CNTNAP2: variants seen among roughly 807,000 people sequenced by gnomAD.
The protein encoded by CNTNAP2 is contactin associated protein 2, also known as contactin-associated protein-like 2.
Under a neutral mutation model 155.2 loss-of-function variants are expected in CNTNAP2, and 98 were observed. That is an observed-to-expected ratio of 0.63 (90% CI 0.54 to 0.75). The LOEUF is 0.75. Among genes scored for constraint, CNTNAP2 ranks in the 30% least tolerant of loss-of-function variants. The probability of loss-of-function intolerance (pLI) is 0.00; values close to 1 mark genes in which losing one functional copy is unlikely to be tolerated. For synonymous variants in CNTNAP2, 651 were observed against 631.2 expected (o/e 1.03, Z -0.47); for missense variants, 1,727 against 1,688.1 (o/e 1.02, Z -0.40).
intron 11 of CNTNAP2, among the ~76,000 whole-genome samples, chr7:147,539,421 C>T (rs1296726534): frequency 6.6e-6 from 1 of 152,124 alleles, no homozygotes; most frequent in Non-Finnish European, 1.5e-5. Context: ...GAAGAGTCAT[C>T]CAGAGCCAAA....
chr7:147,626,340 T>TG (rs113070214), intron 12 of CNTNAP2, among the ~76,000 whole-genome samples: 4,643 of 151,676 alleles, frequency 0.031, 239 homozygotes, highest in African/African-American at 0.11. Flanking sequence ...GCCAATTGCA[T>TG]GGGGGGGTGG....
At chr7:147,338,353 GT>G (rs1485384972) in intron 9 of CNTNAP2, among the ~76,000 whole-genome samples, 2 of 55,788 alleles carry the variant, frequency 3.6e-5, no homozygotes, top group Non-Finnish European at 3.1e-5. Context: ...TTTTCCTCAT[GT>G]AAAAAATTCA....
chr7:147,573,325 T>G (rs1800329773), intron 12 of CNTNAP2, among the ~76,000 whole-genome samples: 1 of 152,210 alleles, frequency 6.6e-6, no homozygotes, highest in South Asian at 2.1e-4. Flanking sequence ...TGTTCGGTTT[T>G]TACTCAGATT....
chr7:146,167,130 C>T (rs1259332858), intron 1 of CNTNAP2, among the ~76,000 whole-genome samples: 1 of 152,190 alleles, frequency 6.6e-6, no homozygotes, highest in Non-Finnish European at 1.5e-5. Flanking sequence ...AGTCTTACTA[C>T]CAACCAACAA....
At chr7:148,338,275 T>A (rs1284152714) in intron 21 of CNTNAP2, among the ~76,000 whole-genome samples, 2 of 152,232 alleles carry the variant, frequency 1.3e-5, no homozygotes, top group Non-Finnish European at 2.9e-5. Flanking sequence ...TTTTTTGGTT[T>A]CTGACACCTA....
At chr7:147,116,603 T>C (rs953575906) in intron 5 of CNTNAP2, among the ~76,000 whole-genome samples, 2 of 152,078 alleles carry the variant, frequency 1.3e-5, no homozygotes, top group African/African-American at 4.8e-5. Flanking sequence ...AAAACAGCTA[T>C]GTTGTGGTGA....
At chr7:147,064,088 G>T (rs1230225704) in intron 4 of CNTNAP2, among the ~76,000 whole-genome samples, 1 of 151,784 alleles carries the variant, frequency 6.6e-6, no homozygotes, top group East Asian at 1.9e-4. Context: ...TCCTCTAGTG[G>T]TTTTTAAGTA....
At chr7:146,599,892 T>C (rs748552813) in intron 1 of CNTNAP2, among the ~76,000 whole-genome samples, 38 of 152,146 alleles carry the variant, frequency 2.5e-4, no homozygotes, top group Non-Finnish European at 4.4e-4. Flanking sequence ...CTCTATGCTT[T>C]TGATGGCATT....
chr7:146,204,540 T>C (rs951763895), intron 1 of CNTNAP2, among the ~76,000 whole-genome samples: 1 of 152,060 alleles, frequency 6.6e-6, no homozygotes, highest in African/African-American at 2.4e-5. Context: ...GTTATGAAAA[T>C]TGCCCAAATT....
intron 1 of CNTNAP2, among the ~76,000 whole-genome samples, chr7:146,371,375 T>G (rs983975757): frequency 2.9e-5 from 4 of 138,022 alleles, no homozygotes; most frequent in Admixed American, 7.2e-5. Context: ...GTTTTTTTTT[T>G]TTTTTTTTTT....
chr7:147,907,943 T>A (rs1447134640), intron 14 of CNTNAP2, among the ~76,000 whole-genome samples: 1 of 151,432 alleles, frequency 6.6e-6, no homozygotes, highest in East Asian at 1.9e-4. Context: ...CTAATTTTTT[T>A]TTTTTTGTAT....
intron 1 of CNTNAP2, among the ~76,000 whole-genome samples, chr7:146,644,023 C>G (rs1799763454): frequency 1.3e-5 from 2 of 152,154 alleles, no homozygotes; most frequent in African/African-American, 4.8e-5. Context: ...TATCCTGAGA[C>G]TTTGCTGAAG....
chr7:146,576,546 G>T (rs1371424236), intron 1 of CNTNAP2, among the ~76,000 whole-genome samples: 2 of 152,106 alleles, frequency 1.3e-5, no homozygotes, highest in Non-Finnish European at 2.9e-5. Context: ...AAAAACGCTG[G>T]AGTTCTTGTG....
intron 8 of CNTNAP2, among the ~76,000 whole-genome samples, chr7:147,188,455 T>C (rs2116517009): frequency 6.6e-6 from 1 of 152,214 alleles, no homozygotes; most frequent in East Asian, 1.9e-4. Context: ...GGGAGAGCTA[T>C]GAAATTGACT....
At chr7:146,148,422 G>A (rs1338404216) in intron 1 of CNTNAP2, among the ~76,000 whole-genome samples, 2 of 152,084 alleles carry the variant, frequency 1.3e-5, no homozygotes, top group Non-Finnish European at 2.9e-5. Context: ...ATAATAGTAT[G>A]CAATTCAAAT....
At chr7:147,552,256 T>C (rs1799865964) in intron 11 of CNTNAP2, among the ~76,000 whole-genome samples, 1 of 152,184 alleles carries the variant, frequency 6.6e-6, no homozygotes, top group Admixed American at 6.5e-5. Context: ...CATTTTCAAA[T>C]TTTGAAGCTC....
At chr7:147,654,958 A>G (rs563094507) in intron 13 of CNTNAP2, among the ~76,000 whole-genome samples, 1 of 150,902 alleles carries the variant, frequency 6.6e-6, no homozygotes, top group African/African-American at 2.4e-5. Context: ...CTGGGATTAC[A>G]GGTGCCCGTC....
At chr7:147,066,869 T>C (rs1346632310) in intron 4 of CNTNAP2, among the ~76,000 whole-genome samples, 1 of 152,192 alleles carries the variant, frequency 6.6e-6, no homozygotes, top group Non-Finnish European at 1.5e-5. Context: ...TTTTGGGGAC[T>C]GGAAATCTAA....
chr7:148,228,937 T>C (rs2116777697), intron 19 of CNTNAP2, among the ~76,000 whole-genome samples: 1 of 152,260 alleles, frequency 6.6e-6, no homozygotes, highest in South Asian at 2.1e-4. Flanking sequence ...GCACTCTGCA[T>C]TTATTTTTTT....
Sources: gnomAD v4.1 joint callset for allele counts (sites outside exome capture counted in the v4.1 genomes callset) on GRCh38, gnomAD v4.1.1 for gene constraint, MANE v1.5 for transcripts, NCBI Gene and HGNC (gene_info 2026-07-23, HGNC 2026-07-21) for gene names.